INPP5A: variants seen among roughly 807,000 people sequenced by gnomAD.
INPP5A encodes the protein 43 kDa inositol polyphosphate 5-phophatase.
In INPP5A, 14 loss-of-function variants were observed where a neutral mutation model predicts 65.2. The ratio of observed to expected loss-of-function variants is 0.21; its 90% CI spans 0.14 to 0.34. INPP5A has a LOEUF of 0.34. Among genes scored for constraint, INPP5A ranks in the 10% least tolerant of loss-of-function variants. The pLI is 1.00. For missense variants in INPP5A, 431 were observed against 545.6 expected, an observed-to-expected ratio of 0.79 and a Z score of 2.09; for synonymous variants, 207 against 208.3, an observed-to-expected ratio of 0.99 and a Z score of 0.05.
chr10:132,670,549 T>A (rs1426144905), intron 4 of INPP5A, among the ~76,000 whole-genome samples: 1 of 147,180 alleles, frequency 6.8e-6, no homozygotes, highest in East Asian at 2.1e-4. Context: ...AGGAGGACAC[T>A]GTCAGCCCCT....
chr10:132,563,925 C>T (rs558423340), intron 1 of INPP5A, among the ~76,000 whole-genome samples: 15 of 152,280 alleles, frequency 9.9e-5, no homozygotes, highest in African/African-American at 3.6e-4. Flanking sequence ...TGAGCCCTGG[C>T]GGCTGAGTCA....
At chr10:132,686,697 A>C (rs564273760) in intron 4 of INPP5A, among the ~76,000 whole-genome samples, 5 of 152,378 alleles carry the variant, frequency 3.3e-5, no homozygotes, top group Admixed American at 2.0e-4. Context: ...CAAACTTTAT[A>C]ATATTCTGTT....
At chr10:132,732,809 G>A (rs1846109246) in intron 9 of INPP5A, among the ~76,000 whole-genome samples, 2 of 152,168 alleles carry the variant, frequency 1.3e-5, no homozygotes, top group Non-Finnish European at 1.5e-5. Flanking sequence ...CAGGCTCTCC[G>A]GAGGGTCACG....
intron 2 of INPP5A, among the ~76,000 whole-genome samples, chr10:132,617,686 CG>C (rs887155728): frequency 6.6e-6 from 1 of 152,216 alleles, no homozygotes; most frequent in Non-Finnish European, 1.5e-5. Flanking sequence ...CACCTGACTG[CG>C]TCTGGCACGT....
chr10:132,681,534 T>C (rs187501245), intron 4 of INPP5A, among the ~76,000 whole-genome samples: 263 of 152,104 alleles, frequency 1.7e-3, no homozygotes, highest in Middle Eastern at 3.4e-3. Context: ...ACCGCGAGGG[T>C]CCGCGGCTTC....
chr10:132,759,092 G>A (rs1174927762), intron 11 of INPP5A, among the ~76,000 whole-genome samples: 2 of 152,254 alleles, frequency 1.3e-5, no homozygotes, highest in East Asian at 1.9e-4. Context: ...AGAGCACTGT[G>A]CATGGTATGC....
intron 1 of INPP5A, among the ~76,000 whole-genome samples, chr10:132,556,013 G>A (rs930698589): frequency 2.6e-5 from 4 of 152,050 alleles, no homozygotes; most frequent in African/African-American, 7.2e-5. Flanking sequence ...GGGGTCTGCC[G>A]TGCCCTGGTG....
In INPP5A at chr10:132,609,567, C is replaced by T. The variant is rs139730512; in HGVS notation, c.117+1611C>T. Among the ~76,000 whole-genome samples the T allele has an allele frequency of 9.2e-4, 140 of 152,370 alleles. 1 individual carries two copies. Among genetic ancestry groups the T allele is most frequent in the African/African-American group, 3.2e-3 (135 of 41,580 alleles). ...GGCAAGGAGCAGAACCTGCCGCCTACACAGCTGAAATCAGAATCTGCCCCT... is the reference window on the plus strand; with the variant it reads ...GGCAAGGAGCAGAACCTGCCGCCTATACAGCTGAAATCAGAATCTGCCCCT... On this transcript the variant is annotated intron_variant, in intron 2 of 15. Transcript: ENST00000368594.
At chr10:132,618,703 C>A (rs2072074417) in intron 2 of INPP5A, among the ~76,000 whole-genome samples, 1 of 152,190 alleles carries the variant, frequency 6.6e-6, no homozygotes, top group East Asian at 1.9e-4. Flanking sequence ...CTGGCACCTG[C>A]TCAGCCCTTG....
intron 8 of INPP5A, among the ~76,000 whole-genome samples, chr10:132,721,227 A>T (rs532069192): frequency 4.9e-4 from 66 of 134,958 alleles, no homozygotes; most frequent in Non-Finnish European, 8.8e-4. Flanking sequence ...TGCTGTCTTC[A>T]GGGTTCTGTG....
At chr10:132,780,578 C>T (rs12412335) in intron 13 of INPP5A, among the ~76,000 whole-genome samples, 11 of 152,340 alleles carry the variant, frequency 7.2e-5, no homozygotes, top group Non-Finnish European at 1.2e-4. Context: ...GCTCCCCACG[C>T]GACCCCTCCT....
rs1487526195 is a variant in INPP5A at position 132,550,579 on chromosome 10, G to A, written c.75+12408G>A. On this transcript the variant is annotated intron_variant, in intron 1 of 15. Coordinates refer to ENST00000368594, the MANE Select transcript of INPP5A (RefSeq NM_005539.5). This position sits in a 1 kb window ranked among gnomAD's most constrained non-coding sequence, Gnocchi z 4.2. ...TGCTGAGAGGGCCTGGCTGTGAGCC[G>A]CATGGTACGAACCTTCTGAATGCAA... Among the ~76,000 whole-genome samples the A allele has an allele frequency of 2.6e-5, 4 of 152,216 alleles. No homozygotes were observed. The highest frequency in any genetic ancestry group is 4.8e-5 in the African/African-American group (2 of 41,440).
intron 2 of INPP5A, among the ~76,000 whole-genome samples, chr10:132,626,825 G>T (rs1443364052): frequency 6.6e-6 from 1 of 152,232 alleles, no homozygotes; most frequent in African/African-American, 2.4e-5. Context: ...TTGGCTCCGT[G>T]TGAGGCCCTC....
chr10:132,667,027 G>T (rs112122292), intron 4 of INPP5A, among the ~76,000 whole-genome samples: 1 of 152,230 alleles, frequency 6.6e-6, no homozygotes. Flanking sequence ...GCAGGGTCCT[G>T]CTGGATGCCG....
intron 1 of INPP5A, among the ~76,000 whole-genome samples, chr10:132,590,513 TGCGACAC>T (rs2071606426): frequency 6.6e-6 from 1 of 152,074 alleles, no homozygotes; most frequent in Non-Finnish European, 1.5e-5. Flanking sequence ...GTGTGGACAT[TGCGACAC>T]GTGTAAAGAT....
intron 8 of INPP5A, among the ~76,000 whole-genome samples, chr10:132,713,340 C>A (rs1019736605): frequency 6.6e-5 from 10 of 152,120 alleles, no homozygotes; most frequent in Middle Eastern, 3.4e-3. Context: ...AGGTGTGGCT[C>A]CAGGGGGAGT....
chr10:132,726,519 C>T (rs919289785), intron 8 of INPP5A, among the ~76,000 whole-genome samples: 1 of 152,244 alleles, frequency 6.6e-6, no homozygotes, highest in African/African-American at 2.4e-5. Context: ...GTGAGGCTCT[C>T]ACGCTGCCCT....
At chr10:132,557,889 C>A (rs2071147495) in intron 1 of INPP5A, among the ~76,000 whole-genome samples, 1 of 152,184 alleles carries the variant, frequency 6.6e-6, no homozygotes, top group Admixed American at 6.5e-5. Flanking sequence ...TGACGCCAGG[C>A]TGGACAGAGC....
chr10:132,683,572 C>T (rs891464601), intron 4 of INPP5A, among the ~76,000 whole-genome samples: 1 of 152,236 alleles, frequency 6.6e-6, no homozygotes, highest in African/African-American at 2.4e-5. Flanking sequence ...ACTCAGTACC[C>T]ATGTACCTGG....
Sources: gnomAD v4.1 joint callset for allele counts (sites outside exome capture counted in the v4.1 genomes callset) on GRCh38, gnomAD v4.1.1 for gene constraint, Gnocchi (gnomAD v3.1) non-coding constraint, MANE v1.5 for transcripts, NCBI Gene and HGNC (gene_info 2026-07-23, HGNC 2026-07-21) for gene names.